Variants in USH2A observed in about 807,000 individuals in gnomAD.
USH2A encodes the protein Usher syndrome 2A (autosomal recessive, mild).
Under a neutral mutation model 538.9 loss-of-function variants are expected in USH2A, and 443 were observed. That is an observed-to-expected ratio of 0.82 (90% CI 0.76 to 0.89). The LOEUF (loss-of-function observed/expected upper bound fraction) is 0.89. Ranked by LOEUF, USH2A falls within the 40% of genes least tolerant of loss-of-function variation. USH2A has a pLI of 0.00. For missense variants in USH2A, 6,633 were observed against 6,324.8 expected, an observed-to-expected ratio of 1.05 and a Z score of -1.65; for synonymous variants, 2,413 against 2,273.5, an observed-to-expected ratio of 1.06 and a Z score of -1.75.
intron 48 of USH2A, among the ~76,000 whole-genome samples, chr1:215,814,761 C>T (rs905671513): frequency 2.0e-5 from 3 of 152,088 alleles, no homozygotes; most frequent in Non-Finnish European, 2.9e-5. Flanking sequence ...TCATAAATTA[C>T]CCAGTCTCAG....
intron 32 of USH2A, among the ~76,000 whole-genome samples, chr1:216,018,955 C>T (rs1165047113): frequency 1.3e-5 from 2 of 151,962 alleles, no homozygotes; most frequent in African/African-American, 4.8e-5. Flanking sequence ...TAGTATAGTG[C>T]CTATTACTTA....
chr1:215,640,288 T>C (rs2102635574), intron 68 of USH2A, among the ~76,000 whole-genome samples: 1 of 152,338 alleles, frequency 6.6e-6, no homozygotes. Flanking sequence ...CAACTGGCCC[T>C]TGGGTCTTAT....
At chr1:215,756,306 A>C (rs1660792276) in intron 58 of USH2A, among the ~76,000 whole-genome samples, 1 of 152,196 alleles carries the variant, frequency 6.6e-6, no homozygotes, top group South Asian at 2.1e-4. Context: ...ATAGTCATAA[A>C]ATAAAGATAT....
intron 27 of USH2A, among the ~76,000 whole-genome samples, chr1:216,074,390 T>C (rs1016674072): frequency 6.6e-6 from 1 of 151,906 alleles, no homozygotes; most frequent in African/African-American, 2.4e-5. Flanking sequence ...CTCAAACACA[T>C]GATCAGCTCT....
intron 9 of USH2A, among the ~76,000 whole-genome samples, chr1:216,321,570 CA>C (rs1400257871): frequency 6.6e-6 from 1 of 151,884 alleles, no homozygotes; most frequent in Non-Finnish European, 1.5e-5. Flanking sequence ...CCATGCTATC[CA>C]AACACATTAA....
chr1:216,008,907 A>G lies in USH2A; in HGVS notation c.6326-8345T>C, dbSNP rs1011644195. The stretch of plus-strand genomic sequence containing the variant: ...AGGAGCCTTCCCTTGGTGTTTAATC[A>G]TTGCAGGGACGCCTCTCTGATTATT... On this transcript the variant is annotated intron_variant, in intron 32 of 71. Coordinates refer to ENST00000307340, the MANE Select transcript of USH2A (RefSeq NM_206933.4). 2.0e-5 allele frequency among the ~76,000 whole-genome samples: 3 copies of G among 151,922 alleles called. No individual in the cohort carries two copies. The East Asian group carries it at 5.8e-4, about 29-fold the overall frequency.
chr1:216,401,800 A>T (rs2039310645), intron 3 of USH2A, among the ~76,000 whole-genome samples: 1 of 152,126 alleles, frequency 6.6e-6, no homozygotes, highest in African/African-American at 2.4e-5. Flanking sequence ...ACATGCATGA[A>T]GCAAGACTGA....
In USH2A at chr1:215,970,645, C is replaced by A. The variant is rs199840367; in HGVS notation, c.6937G>T (p.Gly2313Cys). 164 of 1,613,546 alleles carry A rather than the reference C, an allele frequency of 1.0e-4. No homozygotes were observed. Among genetic ancestry groups the A allele is most frequent in the Middle Eastern group, 4.9e-4 (3 of 6,078 alleles). The change falls in exon 36 of 72, where the codon GGT becomes TGT. Residue 2313 changes from glycine to cysteine, a missense_variant. Gly to Cys is a radical substitution (Grantham distance 159, BLOSUM62 -3). Transcript: ENST00000307340. ...SFRVQACTAKGCALGPLVENR... is the reference protein window; with the variant it reads ...SFRVQACTAKCCALGPLVENR... ...CTCACCAGTGGGCCCAGAGCACAACCTTTGGCCGTGCATGCTTGGACTCTG... is the reference window on the plus strand; with the variant it reads ...CTCACCAGTGGGCCCAGAGCACAACATTTGGCCGTGCATGCTTGGACTCTG...
intron 41 of USH2A, among the ~76,000 whole-genome samples, chr1:215,886,379 C>T (rs539358980): frequency 3.3e-5 from 5 of 152,230 alleles, no homozygotes; most frequent in East Asian, 1.9e-4. Flanking sequence ...GTCTTAAGAT[C>T]GTTCTGAACA....
intron 50 of USH2A, among the ~76,000 whole-genome samples, chr1:215,797,516 A>G (rs944986753): frequency 2.6e-5 from 4 of 152,146 alleles, no homozygotes; most frequent in Non-Finnish European, 4.4e-5. Flanking sequence ...GGGGGGCTAA[A>G]GCAGCTGGTG....
At chr1:216,155,063 C>T (rs73096681) in intron 21 of USH2A, among the ~76,000 whole-genome samples, 35 of 152,170 alleles carry the variant, frequency 2.3e-4, no homozygotes, top group African/African-American at 7.5e-4. Flanking sequence ...TACAAAATTA[C>T]GACAGTAAGA....
At chr1:216,250,132 G>A (rs1572091623) in intron 12 of USH2A, among the ~76,000 whole-genome samples, 2 of 152,088 alleles carry the variant, frequency 1.3e-5, no homozygotes, top group South Asian at 2.1e-4. Context: ...TGAACATAGT[G>A]CATTTTAGGC....
chr1:216,233,489 C>T (rs1480763033), intron 13 of USH2A, among the ~76,000 whole-genome samples: 1 of 151,990 alleles, frequency 6.6e-6, no homozygotes, highest in Non-Finnish European at 1.5e-5. Context: ...GGCAGAAAAC[C>T]CATCTGCTTC....
At chr1:216,318,906 A>T (rs2037556152) in intron 9 of USH2A, among the ~76,000 whole-genome samples, 1 of 152,184 alleles carries the variant, frequency 6.6e-6, no homozygotes, top group South Asian at 2.1e-4. Context: ...GGGAAGCATG[A>T]AATCATCCAA....
intron 21 of USH2A, among the ~76,000 whole-genome samples, chr1:216,111,880 A>G (rs979418717): frequency 4.6e-5 from 7 of 151,774 alleles, no homozygotes; most frequent in African/African-American, 1.7e-4. Flanking sequence ...TTCCTACTCA[A>G]TCCAATTGCT....
At chr1:216,219,203 T>C (rs964143272) in intron 14 of USH2A, among the ~76,000 whole-genome samples, 2 of 152,128 alleles carry the variant, frequency 1.3e-5, no homozygotes. Flanking sequence ...ACGCAATGTT[T>C]TGAGCAATTA....
At chr1:216,389,077 A>G (rs2039054636) in intron 3 of USH2A, among the ~76,000 whole-genome samples, 1 of 152,226 alleles carries the variant, frequency 6.6e-6, no homozygotes, top group Non-Finnish European at 1.5e-5. Flanking sequence ...AGCTAGTGTA[A>G]GTGAAAAGAG....
intron 40 of USH2A, 72 bp from the exon 41 acceptor site, chr1:215,889,126 G>T: frequency 6.5e-7 from 1 of 1,538,248 alleles, no homozygotes; most frequent in Non-Finnish European, 8.9e-7. Flanking sequence ...GCTAAAATGA[G>T]TGATAGCTCT....
intron 19 of USH2A, 135 bp from the exon 20 acceptor site, chr1:216,190,502 T>C: frequency 8.2e-7 from 1 of 1,226,102 alleles, no homozygotes; most frequent in Non-Finnish European, 1.1e-6. Context: ...AAAAGGGTTT[T>C]TTTTTTTTTT....
Sources: gnomAD v4.1 joint callset for allele counts (sites outside exome capture counted in the v4.1 genomes callset) on GRCh38, gnomAD v4.1.1 for gene constraint, MANE v1.5 for transcripts, NCBI Gene and HGNC (gene_info 2026-07-23, HGNC 2026-07-21) for gene names.